ALPK3: variants seen among roughly 807,000 people sequenced by gnomAD.
The protein encoded by ALPK3 is alpha-protein kinase 3.
In ALPK3, 102 loss-of-function variants were observed where a neutral mutation model predicts 140.0. That is an observed-to-expected ratio of 0.73 (90% CI 0.62 to 0.86). ALPK3 has a LOEUF of 0.86. Ranked by LOEUF, ALPK3 falls within the 40% of genes least tolerant of loss-of-function variation. The probability of loss-of-function intolerance (pLI) is 0.00; values close to 1 mark genes in which losing one functional copy is unlikely to be tolerated. For missense variants in ALPK3, 2,254 were observed against 2,208.2 expected, an observed-to-expected ratio of 1.02 and a Z score of -0.42; for synonymous variants, 938 against 898.5, an observed-to-expected ratio of 1.04 and a Z score of -0.79.
At chr15:84,860,098 G>A in intron 9 of ALPK3, 26 bp downstream of exon 9, 1 of 1,613,732 alleles carries the variant, frequency 6.2e-7, no homozygotes, top group East Asian at 2.2e-5. Flanking sequence ...GGGGAAGGCG[G>A]GGTGGTCCTA....
chr15:84,840,598 G>A lies in ALPK3; in HGVS notation c.1319G>A (p.Arg440Gln). The stretch of plus-strand genomic sequence containing the variant: ...GAGGGACCCCAGACCCTGAGTGTCC[G>A]GGCGCCTGGGGAGAGTCCCAAGGGG... ...GEEGPQTLSV[R>Q]APGESPKGKA... The change falls in exon 5 of 14, where the codon CGG (arginine) becomes CAG (glutamine). Residue 440 changes from arginine to glutamine, a missense_variant. Arg to Gln is a conservative substitution (Grantham distance 43, BLOSUM62 1). Around this residue, in one of 3 missense-constraint regions of ALPK3, gnomAD observed 2,088 missense variants for 2,022.9 expected, o/e 1.03. Coordinates refer to ENST00000258888, the MANE Select transcript of ALPK3 (RefSeq NM_020778.5). 1 of 1,562,220 alleles carries A rather than the reference G, an allele frequency of 6.4e-7. No homozygotes were observed. Among genetic ancestry groups the A allele is most frequent in the Non-Finnish European group, 8.6e-7 (1 of 1,157,422 alleles).
chr15:84,863,337 C>G (rs908844248), intron 10 of ALPK3, among the ~76,000 whole-genome samples: 1 of 152,138 alleles, frequency 6.6e-6, no homozygotes, highest in Non-Finnish European at 1.5e-5. Context: ...ACTTCGAAAA[C>G]CTCAGTTTGA....
rs1192258761 is a variant in ALPK3, at chr15:84,857,541, G to A, written c.2803G>A (p.Ala935Thr). The change falls in exon 6 of 14, where the codon GCC (alanine) becomes ACC (threonine). Residue 935 changes from alanine to threonine, a missense_variant. Around this residue, in one of 3 missense-constraint regions of ALPK3, gnomAD observed 2,088 missense variants for 2,022.9 expected, o/e 1.03. Transcript: ENST00000258888. ...PETMATSSEG[A>T]CAQVPDVEGR... ...AACCATGGCCACCAGCAGTGAGGGGGCCTGCGCCCAGGTACCAGATGTGGA... is the reference window on the plus strand; with the variant it reads ...AACCATGGCCACCAGCAGTGAGGGGACCTGCGCCCAGGTACCAGATGTGGA... 1 of 1,587,570 alleles carries A rather than the reference G, an allele frequency of 6.3e-7. No homozygotes were observed. Among genetic ancestry groups the A allele is most frequent in the East Asian group, 2.2e-5 (1 of 44,638 alleles).
Position 84,817,541 on chromosome 15 carries a change from G to C in ALPK3, c.89G>C (p.Trp30Ser), listed in dbSNP as rs1293883271. The change falls in exon 1 of 14, where the codon TGG becomes TCG. Residue 30 changes from tryptophan (W) to serine (S), a missense_variant. Physicochemically the swap from Trp to Ser is radical, Grantham distance 177. This residue lies in a region of ALPK3 where 2,088 missense variants were observed against 2,022.9 expected (regional missense o/e 1.03). Transcript: ENST00000258888. ...GACGGTGAGGACGACGGCCCCGTGT[G>C]GATCCCCAGCCCAGCCAGCCGGAGC... ...GGDGEDDGPV[W>S]IPSPASRSYL... is the part of the protein sequence containing the mutation. 2.7e-6 allele frequency: 4 copies of C among 1,500,228 alleles called. No individual in the cohort carries two copies. Among genetic ancestry groups the C allele is most frequent in the Non-Finnish European group, 3.5e-6 (4 of 1,130,818 alleles). 92.9% of individuals were successfully genotyped at this position (1,500,228 alleles called of 1,614,324 possible).
At chr15:84,854,881 A>T (rs1596154305) in intron 5 of ALPK3, among the ~76,000 whole-genome samples, 1 of 152,188 alleles carries the variant, frequency 6.6e-6, no homozygotes, top group African/African-American at 2.4e-5. Flanking sequence ...GCATTAATAT[A>T]TATGTTAATG....
chr15:84,825,967 A>T (rs1963481799), intron 2 of ALPK3, among the ~76,000 whole-genome samples: 1 of 152,144 alleles, frequency 6.6e-6, no homozygotes, highest in African/African-American at 2.4e-5. Flanking sequence ...GTGTTACAGA[A>T]CATGTCTAAC....
Position 84,857,776 on chromosome 15 carries a change from G to T in ALPK3, c.3038G>T (p.Arg1013Leu). 1.2e-6 allele frequency: 2 copies of T among 1,612,330 alleles called. No homozygotes were observed. Among genetic ancestry groups the T allele is most frequent in the Non-Finnish European group, 1.7e-6 (2 of 1,178,870 alleles). Residue 1013 changes from arginine (R) to leucine (L), a missense_variant, in exon 6 of 14, where the codon CGC (arginine) becomes CTC (leucine). Coordinates refer to ENST00000258888, the MANE Select transcript of ALPK3 (RefSeq NM_020778.5). Reference protein sequence around the residue: ...VAGLSPRTSRRILERVENNHL... With the variant: ...VAGLSPRTSRLILERVENNHL... ...GGGCTTAGTCCCCGGACATCGAGGC[G>T]CATCCTGGAGCGTGTGGAGAACAAC...
chr15:84,863,026 C>CA, intron 10 of ALPK3, 111 bp downstream of exon 10: 1 of 1,418,454 alleles, frequency 7.0e-7, no homozygotes, highest in Non-Finnish European at 9.6e-7. Flanking sequence ...ATCTCAGTCT[C>CA]AACCTTATGA....
intron 1 of ALPK3, among the ~76,000 whole-genome samples, chr15:84,822,365 G>T (rs1481544725): frequency 6.6e-6 from 1 of 152,266 alleles, no homozygotes; most frequent in South Asian, 2.1e-4. Flanking sequence ...AAAAGGATGG[G>T]TTTGGTGTTG....
rs1208810447 is a variant in ALPK3 at position 84,840,496 on chromosome 15, G to A, written c.1217G>A (p.Gly406Asp). Reference sequence around the variant, plus strand: ...AAGGCCCAGAAGGCCCCTGGCCCAGGCCCAGGCCAGGAAGTGTATTTCTCC... The same window carrying A: ...AAGGCCCAGAAGGCCCCTGGCCCAGACCCAGGCCAGGAAGTGTATTTCTCC... ...PDKAQKAPGP[G>D]PGQEVYFSLK... is the part of the protein sequence containing the mutation. The change falls in exon 5 of 14, where the codon GGC (glycine) becomes GAC (aspartate). Residue 406 changes from glycine to aspartate, a missense_variant. Physicochemically the swap from Gly to Asp is moderately conservative, Grantham distance 94 (BLOSUM62 -1). Coordinates refer to ENST00000258888, the MANE Select transcript of ALPK3 (RefSeq NM_020778.5). 3 of 1,613,008 alleles carry A rather than the reference G, an allele frequency of 1.9e-6. No individual in the cohort carries two copies. Among genetic ancestry groups the A allele is most frequent in the Non-Finnish European group, 2.5e-6 (3 of 1,179,764 alleles).
In ALPK3 at chr15:84,859,289, C is replaced by T. The variant is rs770514017; in HGVS notation, c.3864C>T (p.Ala1288=). 68 of 1,614,052 alleles carry T rather than the reference C, an allele frequency of 4.2e-5. No homozygotes were observed. The highest frequency in any genetic ancestry group is 5.3e-5 in the Non-Finnish European group (63 of 1,180,026). ...TTCGGGTGGAGCAGTTTCCTGATGC[C>T]TCCGGTAGCCTGAAGCTGTGGTGCC... The part of the protein sequence containing the change: ...RKIRVEQFPD[A]SGSLKLWCQF... The change falls in exon 7 of 14, where the codon GCC becomes GCT. Residue 1288 remains alanine (A), a synonymous_variant. Transcript: ENST00000258888.
At position 84,840,667 on chromosome 15, in the gene ALPK3, C is replaced by T; in HGVS notation, c.1388C>T (p.Pro463Leu). ...AGAAGCGAGGGGGTGCCTGGCGCTC[C>T]TGGCCAGCCCACACACTCCTTGACC... ...RARSEGVPGA[P>L]GQPTHSLTPQ... Residue 463 changes from proline (P) to leucine (L), a missense_variant, in exon 5 of 14, where the codon CCT becomes CTT. By Grantham distance (98) the Pro-to-Leu change is moderately conservative. Transcript: ENST00000258888. The T allele has an allele frequency of 6.3e-7, 1 of 1,588,840 alleles. No individual in the cohort carries two copies. Among genetic ancestry groups the T allele is most frequent in the Non-Finnish European group, 8.6e-7 (1 of 1,168,374 alleles).
chr15:84,866,604 G>A (rs555620197), intron 12 of ALPK3, among the ~76,000 whole-genome samples: 25 of 152,352 alleles, frequency 1.6e-4, no homozygotes, highest in African/African-American at 5.5e-4. Flanking sequence ...GGTGGCCTGA[G>A]CACAGTGAAA....
intron 5 of ALPK3, 46 bp downstream of exon 5, chr15:84,840,978 C>T (rs761753659): frequency 2.6e-5 from 39 of 1,509,520 alleles, no homozygotes; most frequent in Non-Finnish European, 3.1e-5. Context: ...GGGAAGCTGA[C>T]CTCATGGAAA....
At chr15:84,856,251 T>C in intron 5 of ALPK3, 141 bp from the exon 6 acceptor site, 1 of 1,246,836 alleles carries the variant, frequency 8.0e-7, no homozygotes. Flanking sequence ...CCTCCCAACT[T>C]CCAGCAGGCC....
rs188035818 is a variant in ALPK3, at chr15:84,856,626, G to A, written c.1888G>A (p.Ala630Thr). The change falls in exon 6 of 14, where the codon GCC (alanine) becomes ACC (threonine). Residue 630 changes from alanine to threonine, a missense_variant. This residue lies in a region of ALPK3 where 2,088 missense variants were observed against 2,022.9 expected (regional missense o/e 1.03). Coordinates refer to ENST00000258888, the MANE Select transcript of ALPK3 (RefSeq NM_020778.5). ...GRTRGDGTQT[A>T]QRTRADRKTQ... ...GACCAGGGGAGATGGAACACAGACA[G>A]CCCAGAGGACACGTGCAGATAGGAA... The A allele has an allele frequency of 1.2e-6, 2 of 1,614,128 alleles. No homozygotes were observed. Among genetic ancestry groups the A allele is most frequent in the East Asian group, 4.5e-5 (2 of 44,876 alleles).
rs1963647397 is a variant in ALPK3, at chr15:84,840,395, C to T, written c.1116C>T (p.Gly372=). Residue 372 remains glycine (G), a synonymous_variant, in exon 5 of 14, where the codon GGC becomes GGT. Coordinates refer to ENST00000258888, the MANE Select transcript of ALPK3 (RefSeq NM_020778.5). ...AGCAGGTTCAGACCCAGCCCAGAGG[C>T]AGGGCTGCACGGGGGCCTGGGTCCT... ...GVEQVQTQPR[G]RAARGPGSSG... The T allele has an allele frequency of 6.2e-7, 1 of 1,613,698 alleles. No homozygotes were observed. Among genetic ancestry groups the T allele is most frequent in the South Asian group, 1.1e-5 (1 of 91,034 alleles).
At chr15:84,867,420 T>A in intron 13 of ALPK3, 55 bp downstream of exon 13, 1 of 1,597,676 alleles carries the variant, frequency 6.3e-7, no homozygotes, top group Non-Finnish European at 8.6e-7. Flanking sequence ...GGGTGTAAAA[T>A]GTCCTAAGCC....
chr15:84,822,467 G>A (rs2141545502), intron 1 of ALPK3, among the ~76,000 whole-genome samples: 1 of 152,300 alleles, frequency 6.6e-6, no homozygotes, highest in Admixed American at 6.5e-5. Flanking sequence ...TGCTGGGAAG[G>A]AAGGGAGAGC....
Sources: allele counts gnomAD v4.1 joint callset (sites outside exome capture counted in the v4.1 genomes callset), GRCh38; gene constraint gnomAD v4.1.1; regional missense constraint gnomAD v4.1.1; transcripts MANE v1.5; gene names NCBI Gene and HGNC (gene_info 2026-07-23, HGNC 2026-07-21).